Variants in FILIP1L observed in about 807,000 individuals in gnomAD.
FILIP1L encodes the protein filamin A interacting protein 1 like.
A neutral mutation model predicts 96.6 loss-of-function variants in FILIP1L; 55 were observed. The observed-to-expected ratio is 0.57, with a 90% CI of 0.46 to 0.71. The LOEUF (loss-of-function observed/expected upper bound fraction) is 0.71. FILIP1L is among the 30% of genes least tolerant of loss of function. FILIP1L has a pLI of 0.00. For synonymous variants in FILIP1L, 467 were observed against 473.9 expected (o/e 0.99, Z 0.19); for missense variants, 1,304 against 1,321.2 (o/e 0.99, Z 0.20).
chr3:99,998,661 C>A (rs1277810048), intron 1 of FILIP1L, among the ~76,000 whole-genome samples: 1 of 152,196 alleles, frequency 6.6e-6, no homozygotes, highest in African/African-American at 2.4e-5. Flanking sequence ...CTCCCGGGTT[C>A]ACGCGATTCT....
chr3:99,979,034 C>A (rs539254034), intron 1 of FILIP1L, among the ~76,000 whole-genome samples: 1 of 152,024 alleles, frequency 6.6e-6, no homozygotes, highest in South Asian at 2.1e-4. Context: ...CACTGTAGGG[C>A]GACTAGAGGG....
At chr3:100,064,697 T>C (rs1006817688) in intron 1 of FILIP1L, among the ~76,000 whole-genome samples, 2 of 152,212 alleles carry the variant, frequency 1.3e-5, no homozygotes, top group African/African-American at 4.8e-5. Context: ...TTTCTTTAGC[T>C]TCAGATTCAT....
intron 3 of FILIP1L, among the ~76,000 whole-genome samples, chr3:99,927,016 C>A (rs554358445): frequency 2.0e-5 from 3 of 152,206 alleles, no homozygotes; most frequent in African/African-American, 4.8e-5. Context: ...CCTTCACCAT[C>A]TGAACCTCCT....
At chr3:100,007,938 T>A (rs1237368674) in intron 1 of FILIP1L, among the ~76,000 whole-genome samples, 2 of 152,132 alleles carry the variant, frequency 1.3e-5, no homozygotes, top group Non-Finnish European at 2.9e-5. Flanking sequence ...TTAAAATAGT[T>A]AACTCCTAAT....
chr3:99,914,899 T>C (rs1474055966), intron 4 of FILIP1L, among the ~76,000 whole-genome samples: 1 of 152,190 alleles, frequency 6.6e-6, no homozygotes, highest in Non-Finnish European at 1.5e-5. Flanking sequence ...TGATGTAGAG[T>C]AGTTGGTGAT....
intron 1 of FILIP1L, among the ~76,000 whole-genome samples, chr3:99,957,620 G>T (rs1708359703): frequency 6.8e-6 from 1 of 146,956 alleles, no homozygotes; most frequent in African/African-American, 2.5e-5. Context: ...CTGCAGAGTA[G>T]TTCAGCCGTC....
chr3:99,847,927 G>A, intron 5 of FILIP1L: 1 of 993,428 alleles, frequency 1.0e-6, no homozygotes, highest in Non-Finnish European at 1.2e-6. Context: ...GCAAGCAATG[G>A]TAAAAATAAC....
chr3:99,988,527 A>AAAG (rs1553703282), intron 1 of FILIP1L, among the ~76,000 whole-genome samples: 2 of 130,256 alleles, frequency 1.5e-5, no homozygotes, highest in South Asian at 2.3e-4. Flanking sequence ...AAAAAAAAAA[A>AAAG]AAAGAAAGAA....
intron 1 of FILIP1L, among the ~76,000 whole-genome samples, chr3:100,082,659 C>T (rs2065950245): frequency 6.6e-6 from 1 of 152,134 alleles, no homozygotes; most frequent in Admixed American, 6.5e-5. Flanking sequence ...TGGTTATAGT[C>T]GAGCTCCAAC....
rs149115497 is a variant in FILIP1L, at chr3:99,859,370, A to G, written c.606-8300T>C. 2.1e-3 allele frequency among the ~76,000 whole-genome samples: 320 copies of G among 152,354 alleles called. 1 individual carries two copies. Among genetic ancestry groups the G allele is most frequent in the Middle Eastern group, 0.014 (4 of 294 alleles). On this transcript the variant is annotated intron_variant, in intron 4 of 5. Transcript: ENST00000477258. ...ACAACCAAATAGTATGATGATACCA[A>G]AGCTTGTTTGGTCTTAAGATGTTTG...
At chr3:100,006,157 T>C (rs1709979233) in intron 1 of FILIP1L, among the ~76,000 whole-genome samples, 1 of 152,144 alleles carries the variant, frequency 6.6e-6, no homozygotes, top group African/African-American at 2.4e-5. Flanking sequence ...GTAGGTATAC[T>C]GGTGGTTTCT....
chr3:100,095,233 A>G (rs1012514335), intron 1 of FILIP1L, among the ~76,000 whole-genome samples: 10 of 152,104 alleles, frequency 6.6e-5, no homozygotes, highest in Admixed American at 6.5e-4. Flanking sequence ...CCCTTTCCAT[A>G]TAAATTTTAG....
At chr3:100,045,577 T>G (rs901322022) in intron 1 of FILIP1L, among the ~76,000 whole-genome samples, 8 of 152,304 alleles carry the variant, frequency 5.3e-5, no homozygotes, top group African/African-American at 1.9e-4. Flanking sequence ...TCATTTATCT[T>G]AAATGGGACA....
intron 5 of FILIP1L, among the ~76,000 whole-genome samples, chr3:99,831,629 A>G (rs1313910759): frequency 6.6e-6 from 1 of 152,208 alleles, no homozygotes; most frequent in Non-Finnish European, 1.5e-5. Context: ...AGCCTTCCCA[A>G]GATGGATTTC....
At chr3:99,853,823 G>A (rs1451528931) in intron 4 of FILIP1L, among the ~76,000 whole-genome samples, 1 of 152,188 alleles carries the variant, frequency 6.6e-6, no homozygotes, top group East Asian at 1.9e-4. Flanking sequence ...GTCTAGTCTA[G>A]TAAAGCCTGT....
In FILIP1L at chr3:99,929,917, T is replaced by C; in HGVS notation, c.365A>G (p.Asp122Gly). Residue 122 changes from aspartate (D) to glycine (G), a missense_variant, in exon 3 of 6, where the codon GAT (aspartate) becomes GGT (glycine). Asp to Gly is a moderately conservative substitution (Grantham distance 94, BLOSUM62 -1). Transcript: ENST00000477258. ...AGGGGTAGATTTCGCTTGAAAAGCA[T>C]CTCTCTGGAGAGCCTCTAACACCTT... ...PKKVLEALQR[D>G]AFQAKSTPWQ... 6.2e-7 allele frequency: 1 copy of C among 1,613,772 alleles called. No individual in the cohort carries two copies. Among genetic ancestry groups the C allele is most frequent in the South Asian group, 1.1e-5 (1 of 91,026 alleles).
intron 1 of FILIP1L, among the ~76,000 whole-genome samples, chr3:100,084,977 T>TGA (rs2065984955): frequency 1.3e-5 from 2 of 152,250 alleles, no homozygotes; most frequent in South Asian, 4.1e-4. Context: ...TCTCTGTCCA[T>TGA]GTCTTTAGCT....
chr3:99,902,025 A>G (rs1706454440), intron 4 of FILIP1L, among the ~76,000 whole-genome samples: 1 of 152,176 alleles, frequency 6.6e-6, no homozygotes, highest in East Asian at 1.9e-4. Context: ...GTAATATATG[A>G]GGTCTTACAA....
intron 4 of FILIP1L, among the ~76,000 whole-genome samples, chr3:99,868,999 T>G (rs2107576451): frequency 6.6e-6 from 1 of 152,320 alleles, no homozygotes. Context: ...TTGAACTCTG[T>G]GCATACTTGA....
Sources: allele counts gnomAD v4.1 joint callset (sites outside exome capture counted in the v4.1 genomes callset), GRCh38; gene constraint gnomAD v4.1.1; transcripts MANE v1.5; gene names NCBI Gene and HGNC (gene_info 2026-07-23, HGNC 2026-07-21).